The following EPB41L2 variants were observed in gnomAD, a reference collection of about 807,000 sequenced individuals.
EPB41L2 encodes erythrocyte membrane protein band 4.1 like 2.
A neutral mutation model predicts 113.0 loss-of-function variants in EPB41L2; 43 were observed. The observed-to-expected ratio is 0.38, with a 90% CI of 0.30 to 0.49. EPB41L2 has a LOEUF of 0.49. Among genes scored for constraint, EPB41L2 ranks in the 20% least tolerant of loss-of-function variants. The pLI, the probability that EPB41L2 is intolerant of heterozygous loss-of-function variation, is 0.95. For synonymous variants in EPB41L2, 442 were observed against 436.7 expected (o/e 1.01, Z -0.15); for missense variants, 1,147 against 1,223.4 (o/e 0.94, Z 0.93).
chr6:130,967,848 T>G (rs1332776125), intron 1 of EPB41L2, among the ~76,000 whole-genome samples: 1 of 152,228 alleles, frequency 6.6e-6, no homozygotes, highest in Non-Finnish European at 1.5e-5. Context: ...TTTTGTGATG[T>G]TCCTAGTATT....
chr6:130,935,511 T>C (rs2128572641), intron 3 of EPB41L2, among the ~76,000 whole-genome samples: 1 of 152,322 alleles, frequency 6.6e-6, no homozygotes, highest in South Asian at 2.1e-4. Flanking sequence ...TGCAAAAATA[T>C]ATTTCATTTT....
intron 1 of EPB41L2, among the ~76,000 whole-genome samples, chr6:130,959,308 T>A (rs1338869763): frequency 6.6e-6 from 1 of 152,170 alleles, no homozygotes; most frequent in Non-Finnish European, 1.5e-5. Flanking sequence ...CACACAGGTT[T>A]TGATTGGAGA....
At chr6:130,972,890 G>A (rs997622275) in intron 1 of EPB41L2, among the ~76,000 whole-genome samples, 23 of 119,360 alleles carry the variant, frequency 1.9e-4, no homozygotes, top group Non-Finnish European at 2.6e-4. Context: ...TCAGGGATTC[G>A]AAACCAGCCT....
At chr6:130,928,332 G>A (rs1805489163) in intron 3 of EPB41L2, among the ~76,000 whole-genome samples, 1 of 152,122 alleles carries the variant, frequency 6.6e-6, no homozygotes, top group African/African-American at 2.4e-5. Flanking sequence ...CAAGCTATGT[G>A]ACCCATGGCA....
chr6:130,854,467 G>C (rs1022406467), intron 19 of EPB41L2, among the ~76,000 whole-genome samples: 1 of 152,116 alleles, frequency 6.6e-6, no homozygotes, highest in African/African-American at 2.4e-5. Context: ...AACTTCAAAA[G>C]TTGTGTGTGT....
chr6:130,899,451 C>CA, intron 8 of EPB41L2, 40 bp downstream of exon 8: 1 of 1,550,784 alleles, frequency 6.4e-7, no homozygotes, highest in Non-Finnish European at 8.9e-7. Flanking sequence ...CCTCAGTCAA[C>CA]AGACTACTAT....
rs932585708 is a variant in EPB41L2, at chr6:130,895,123, C to T, written c.1237-4G>A. 1.6e-5 allele frequency: 25 copies of T among 1,603,352 alleles called. No homozygotes were observed. Among genetic ancestry groups the T allele is most frequent in the Admixed American group, 3.4e-5 (2 of 58,814 alleles). On this transcript the variant is annotated splice_polypyrimidine_tract_variant and splice_region_variant and intron_variant, in intron 8 of 19. Transcript: ENST00000337057. ...TGATGTCCACACCTTCTGAGTCCTGCCAAGCATAACCCAATTAACCATGGT... is the reference window on the plus strand; with the variant it reads ...TGATGTCCACACCTTCTGAGTCCTGTCAAGCATAACCCAATTAACCATGGT...
intron 1 of EPB41L2, among the ~76,000 whole-genome samples, chr6:131,024,454 A>G (rs1382498676): frequency 1.3e-5 from 2 of 152,150 alleles, no homozygotes; most frequent in Non-Finnish European, 2.9e-5. Context: ...AAAACTAAGC[A>G]TCTCTGTCGT....
intron 2 of EPB41L2, 62 bp downstream of exon 2, chr6:130,955,932 C>A: frequency 1.3e-6 from 2 of 1,541,964 alleles, no homozygotes; most frequent in Non-Finnish European, 1.7e-6. Context: ...ACAAACAAAC[C>A]CTTTTTATTA....
intron 1 of EPB41L2, among the ~76,000 whole-genome samples, chr6:130,972,792 A>C (rs1426603318): frequency 1.3e-5 from 2 of 152,092 alleles, no homozygotes; most frequent in Admixed American, 1.3e-4. Flanking sequence ...AACTAGCAGA[A>C]AAAGTAAGGT....
At chr6:130,883,710 G>C (rs767072679) in intron 12 of EPB41L2, among the ~76,000 whole-genome samples, 3 of 152,216 alleles carry the variant, frequency 2.0e-5, no homozygotes, top group Non-Finnish European at 4.4e-5. Flanking sequence ...AATTTTTAAA[G>C]AACTATCCTG....
intron 1 of EPB41L2, among the ~76,000 whole-genome samples, chr6:131,000,204 C>T (rs1346366287): frequency 6.6e-6 from 1 of 151,728 alleles, no homozygotes; most frequent in Non-Finnish European, 1.5e-5. Context: ...CTGTGTATAA[C>T]CTTTACTAGA....
At chr6:130,856,292 A>G (rs1334814308) in intron 19 of EPB41L2, among the ~76,000 whole-genome samples, 2 of 152,248 alleles carry the variant, frequency 1.3e-5, no homozygotes, top group African/African-American at 4.8e-5. Flanking sequence ...ACAAACCACA[A>G]GCCTGAAGAT....
chr6:130,981,902 G>A (rs943075015), intron 1 of EPB41L2, among the ~76,000 whole-genome samples: 2 of 151,946 alleles, frequency 1.3e-5, no homozygotes, highest in African/African-American at 2.4e-5. Context: ...AATATATAAA[G>A]ATATACATTT....
chr6:130,943,515 G>T (rs1470596332), intron 3 of EPB41L2, among the ~76,000 whole-genome samples: 1 of 152,212 alleles, frequency 6.6e-6, no homozygotes, highest in Non-Finnish European at 1.5e-5. Flanking sequence ...CCAAGGAGTT[G>T]GCATGGCTGC....
chr6:131,053,434 T>TAAAAAAAAAAA (rs71030727), intron 1 of EPB41L2, among the ~76,000 whole-genome samples: 1 of 88,906 alleles, frequency 1.1e-5, no homozygotes, highest in Non-Finnish European at 2.2e-5. Flanking sequence ...ATGGAAATGA[T>TAAAAAAAAAAA]AAAAAAAAAA....
chr6:130,985,344 T>C (rs755650148), intron 1 of EPB41L2, among the ~76,000 whole-genome samples: 1 of 144,404 alleles, frequency 6.9e-6, no homozygotes, highest in Non-Finnish European at 1.5e-5. Context: ...CCGCATCTCC[T>C]CTCCACTGAA....
chr6:130,860,304 T>C (rs1196237864), intron 18 of EPB41L2, among the ~76,000 whole-genome samples: 1 of 152,188 alleles, frequency 6.6e-6, no homozygotes, highest in Non-Finnish European at 1.5e-5. Flanking sequence ...ATGTAGATGA[T>C]GCCCAAGGGA....
At chr6:130,909,336 C>A (rs1467376300) in intron 4 of EPB41L2, among the ~76,000 whole-genome samples, 1 of 150,732 alleles carries the variant, frequency 6.6e-6, no homozygotes, top group Non-Finnish European at 1.5e-5. Context: ...ACGAACTACT[C>A]CTCCTCCTTA....
Sources: gnomAD v4.1 joint callset for allele counts (sites outside exome capture counted in the v4.1 genomes callset) on GRCh38, gnomAD v4.1.1 for gene constraint, MANE v1.5 for transcripts, NCBI Gene and HGNC (gene_info 2026-07-23, HGNC 2026-07-21) for gene names.